The following DOCK8 variants were observed in gnomAD, a reference collection of about 807,000 sequenced individuals.
DOCK8 encodes the protein dedicator of cytokinesis 8.
Under a neutral mutation model 245.6 loss-of-function variants are expected in DOCK8, and 141 were observed. The observed-to-expected ratio is 0.57, with a 90% confidence interval of 0.50 to 0.66. The LOEUF is 0.66. Among genes scored for constraint, DOCK8 ranks in the 30% least tolerant of loss-of-function variants. DOCK8 has a pLI of 0.00. For missense variants in DOCK8, 2,965 were observed against 2,603.4 expected, an observed-to-expected ratio of 1.14 and a Z score of -3.02; for synonymous variants, 1,168 against 970.2, an observed-to-expected ratio of 1.20 and a Z score of -3.79.
At chr9:252,280 A>G (rs2047668833) in intron 1 of DOCK8, among the ~76,000 whole-genome samples, 1 of 151,416 alleles carries the variant, frequency 6.6e-6, no homozygotes, top group Non-Finnish European at 1.5e-5. Context: ...GCCCCAAGGG[A>G]ATTCTTACAG....
intron 9 of DOCK8, among the ~76,000 whole-genome samples, chr9:328,941 C>CTTTTTTTTTTT (rs1165346763): frequency 4.2e-5 from 3 of 71,346 alleles, no homozygotes; most frequent in Admixed American, 1.8e-4. Context: ...CTTATTGATT[C>CTTTTTTTTTTT]TTTTTTTTTT....
intron 14 of DOCK8, among the ~76,000 whole-genome samples, chr9:350,347 A>C (rs2052101760): frequency 6.6e-6 from 1 of 152,196 alleles, no homozygotes; most frequent in Non-Finnish European, 1.5e-5. Context: ...CCTAGCCTCA[A>C]GCAATCTTCC....
rs182552056 is a variant in DOCK8 at position 222,161 on chromosome 9, G to T, written c.53+7132G>T. On this transcript the variant is annotated intron_variant, in intron 1 of 47. Transcript: ENST00000432829. Reference sequence around the variant, plus strand: ...GCCTGTGGTCCCAGCTACATAGAAGGCTGAGGTGGGAGGGTCACTTGAGAC... The same window carrying T: ...GCCTGTGGTCCCAGCTACATAGAAGTCTGAGGTGGGAGGGTCACTTGAGAC... Among the ~76,000 whole-genome samples, 5 of 152,052 alleles carry T rather than the reference G, an allele frequency of 3.3e-5. No homozygotes were observed. In the East Asian group the frequency reaches 7.7e-4, roughly 24 times the overall value.
At chr9:285,370 C>A (rs1394830800) in intron 2 of DOCK8, among the ~76,000 whole-genome samples, 3 of 152,024 alleles carry the variant, frequency 2.0e-5, no homozygotes, top group Non-Finnish European at 4.4e-5. Context: ...TTGGATCTGC[C>A]CTTGTCTCCC....
chr9:215,367 C>T (rs1477981264), intron 1 of DOCK8: 2 of 1,592,850 alleles, frequency 1.3e-6, no homozygotes, highest in Non-Finnish European at 1.7e-6. Flanking sequence ...GCCTGGGTAA[C>T]CGTGTTGGGC....
In DOCK8 at chr9:426,965, A is replaced by C. The variant is rs528853538; in HGVS notation, c.4322A>C (p.Gln1441Pro). The change falls in exon 34 of 48, where the codon CAG becomes CCG. Residue 1441 changes from glutamine to proline, a missense_variant. Coordinates refer to ENST00000432829, the MANE Select transcript of DOCK8 (RefSeq NM_203447.4). ...TEAHLIILDM[Q>P]ENIIQASSAL... ...GCACATTTAATCATCCTGGATATGCAGGAAAACATTATCCAGGTGAGGAAA... is the reference window on the plus strand; with the variant it reads ...GCACATTTAATCATCCTGGATATGCCGGAAAACATTATCCAGGTGAGGAAA... 1.2e-6 allele frequency: 2 copies of C among 1,613,868 alleles called. No individual in the cohort carries two copies. Among genetic ancestry groups the C allele is most frequent in the Non-Finnish European group, 1.7e-6 (2 of 1,179,840 alleles).
upstream of DOCK8, chr9:213,731 GT>G (rs111785593): frequency 0.64 from 93,189 of 145,276 alleles, 30,865 homozygotes; most frequent in African/African-American, 0.83. Flanking sequence ...CGCTTTGGTT[GT>G]TTTTTTTTTT....
In DOCK8 at chr9:439,238, C is replaced by T; in HGVS notation, c.5080-7C>T. On this transcript the variant is annotated splice_region_variant and splice_polypyrimidine_tract_variant and intron_variant, in intron 39 of 47. Transcript: ENST00000432829. ...GTTCTCCAGGCTTATACTGTGGTCT[C>T]TTTCAGAATATTTCTTCCAATGTGC... The T allele has an allele frequency of 6.2e-7, 1 of 1,614,202 alleles. No homozygotes were observed. The highest frequency in any genetic ancestry group is 2.2e-5 in the East Asian group (1 of 44,878).
intron 2 of DOCK8, among the ~76,000 whole-genome samples, chr9:279,043 A>T (rs923724981): frequency 3.9e-5 from 6 of 152,174 alleles, no homozygotes; most frequent in Non-Finnish European, 1.5e-5. Context: ...GGCAGAAGAG[A>T]AAGTGAGAAG....
chr9:464,322 A>T lies in DOCK8; in HGVS notation c.*103A>T. 2.1e-6 allele frequency: 2 copies of T among 971,340 alleles called. No homozygotes were observed. The highest frequency in any genetic ancestry group is 3.4e-6 in the Non-Finnish European group (2 of 596,234). The allele number at this position is 971,340 out of a possible 1,614,324, so 60.2% of individuals were successfully genotyped here. On this transcript the variant is annotated 3_prime_UTR_variant, in exon 48 of 48. Coordinates refer to ENST00000432829, the MANE Select transcript of DOCK8 (RefSeq NM_203447.4). ...ATTTGCCACCCAGGACTGACTGTAC[A>T]CTCCCTGATCAGCCAGCACTCTGGA...
intron 14 of DOCK8, among the ~76,000 whole-genome samples, chr9:354,480 A>G (rs1554676607): frequency 1.3e-5 from 2 of 152,206 alleles, no homozygotes; most frequent in Admixed American, 6.5e-5. Flanking sequence ...TTAGTTATCT[A>G]TTGCTGTATA....
chr9:418,278 T>C (rs974367961), intron 30 of DOCK8, 71 bp downstream of exon 30: 1 of 1,596,302 alleles, frequency 6.3e-7, no homozygotes, highest in South Asian at 1.1e-5. Flanking sequence ...GTTTTGTTTG[T>C]TTGTTTGTTT....
chr9:252,678 C>A (rs1468281341), intron 1 of DOCK8, among the ~76,000 whole-genome samples: 1 of 151,698 alleles, frequency 6.6e-6, no homozygotes, highest in Non-Finnish European at 1.5e-5. Flanking sequence ...GTGATGCATG[C>A]CTGTAGCCCC....
intron 1 of DOCK8, among the ~76,000 whole-genome samples, chr9:240,932 A>G (rs1232214517): frequency 6.6e-6 from 1 of 152,208 alleles, no homozygotes; most frequent in Admixed American, 6.5e-5. Context: ...TACCATACAC[A>G]TGTTTAAAAA....
At chr9:230,021 A>C (rs1218289300) in intron 1 of DOCK8, among the ~76,000 whole-genome samples, 4 of 151,328 alleles carry the variant, frequency 2.6e-5, no homozygotes, top group Admixed American at 2.0e-4. Flanking sequence ...ATCATTTAGC[A>C]TTAGGTATAT....
chr9:267,950 C>T (rs2048072630), intron 1 of DOCK8: 1 of 152,146 alleles, frequency 6.6e-6, no homozygotes, highest in Non-Finnish European at 1.5e-5. Context: ...AAAAGAGTAA[C>T]AGCAGTTTCA....
Position 368,009 on chromosome 9 carries a change from C to A in DOCK8, c.1680-9C>A. The stretch of plus-strand genomic sequence containing the variant: ...CTTTTTCATTGATTCTTTATCTCTT[C>A]TTTTCCAGAAACCTTCTCTATGTCT... On this transcript the variant is annotated splice_polypyrimidine_tract_variant and intron_variant, in intron 14 of 47. Coordinates refer to ENST00000432829, the MANE Select transcript of DOCK8 (RefSeq NM_203447.4). The A allele has an allele frequency of 6.2e-7, 1 of 1,603,588 alleles. No individual in the cohort carries two copies. Among genetic ancestry groups the A allele is most frequent in the Non-Finnish European group, 8.5e-7 (1 of 1,170,496 alleles).
intron 1 of DOCK8, chr9:215,451 C>T: frequency 6.7e-7 from 1 of 1,494,486 alleles, no homozygotes; most frequent in Non-Finnish European, 8.9e-7. Context: ...AGTGAAGTGG[C>T]TGAAATTAGA....
chr9:215,374 G>A (rs2046724514), intron 1 of DOCK8: 10 of 1,591,906 alleles, frequency 6.3e-6, no homozygotes, highest in Non-Finnish European at 8.5e-6. Context: ...TAACCGTGTT[G>A]GGCGCGCCAC....
Sources: allele counts gnomAD v4.1 joint callset (sites outside exome capture counted in the v4.1 genomes callset), GRCh38; gene constraint gnomAD v4.1.1; transcripts MANE v1.5; gene names NCBI Gene and HGNC (gene_info 2026-07-23, HGNC 2026-07-21).